Variants in SULF1 observed in about 807,000 individuals in gnomAD.
The protein encoded by SULF1 is sulfatase 1.
In SULF1, 46 loss-of-function variants were observed where a neutral mutation model predicts 110.5. That is an observed-to-expected ratio of 0.42 (90% CI 0.33 to 0.53). The LOEUF (loss-of-function observed/expected upper bound fraction) is 0.53. SULF1 is among the 20% of genes least tolerant of loss of function. SULF1 has a pLI of 0.12. For synonymous variants in SULF1, 371 were observed against 387.1 expected (o/e 0.96, Z 0.49); for missense variants, 941 against 1,094.2 (o/e 0.86, Z 1.98).
intron 6 of SULF1, among the ~76,000 whole-genome samples, chr8:69,585,735 A>G (rs1806408422): frequency 6.6e-6 from 1 of 152,184 alleles, no homozygotes. Flanking sequence ...TTTATTATCG[A>G]TAATAGATGT....
intron 19 of SULF1, among the ~76,000 whole-genome samples, chr8:69,635,598 G>A (rs1810930609): frequency 1.3e-5 from 2 of 152,352 alleles, no homozygotes; most frequent in South Asian, 2.1e-4. Context: ...TTGCCCGGGT[G>A]TGGTGGCTCA....
At chr8:69,651,354 C>T (rs111598312) in intron 22 of SULF1, among the ~76,000 whole-genome samples, 7,742 of 152,066 alleles carry the variant, frequency 0.051, 687 homozygotes, top group African/African-American at 0.18. Context: ...CGCCCAGCCT[C>T]GACATCTATT....
chr8:69,574,101 C>G (rs1221325897), intron 5 of SULF1, among the ~76,000 whole-genome samples: 4 of 152,228 alleles, frequency 2.6e-5, no homozygotes, highest in Non-Finnish European at 5.9e-5. Flanking sequence ...TGCAACGCCT[C>G]TCGAGGGGAT....
At chr8:69,627,388 C>A in intron 16 of SULF1, 82 bp downstream of exon 16, 2 of 940,710 alleles carry the variant, frequency 2.1e-6, no homozygotes, top group South Asian at 2.8e-5. Context: ...GTGGGACATA[C>A]CACAGATACA....
chr8:69,507,138 G>T (rs1168155483), intron 3 of SULF1, among the ~76,000 whole-genome samples: 1 of 152,186 alleles, frequency 6.6e-6, no homozygotes, highest in Non-Finnish European at 1.5e-5. Context: ...AAAGTGTCTG[G>T]ATTCTTACAA....
At chr8:69,522,087 G>C (rs1362295926) in intron 3 of SULF1, among the ~76,000 whole-genome samples, 3 of 151,208 alleles carry the variant, frequency 2.0e-5, no homozygotes, top group Non-Finnish European at 4.4e-5. Flanking sequence ...ATCTTGCTCT[G>C]TTGCCCAGGC....
In SULF1 at chr8:69,492,970, G is replaced by A. The variant is rs1178765083; in HGVS notation, c.-546G>A. The A allele has an allele frequency of 6.6e-6, 1 of 152,592 alleles. No individual in the cohort carries two copies. Among genetic ancestry groups the A allele is most frequent in the Non-Finnish European group, 1.5e-5 (1 of 68,062 alleles). The allele number at this position is 152,592 out of a possible 1,614,324, so 9.5% of individuals were successfully genotyped here. ...CGAGGATCAGAGGCCAGGCCTTCCC[G>A]GCTGCCGGCGCTCCTCGGAGGTCAG... is the stretch of plus-strand genomic sequence containing the variant. On this transcript the variant is annotated 5_prime_UTR_variant, in exon 1 of 23. Transcript: ENST00000402687.
chr8:69,552,827 G>T (rs1054135287), intron 3 of SULF1, among the ~76,000 whole-genome samples: 1 of 152,202 alleles, frequency 6.6e-6, no homozygotes, highest in Non-Finnish European at 1.5e-5. Flanking sequence ...AAAAAATGTA[G>T]AATTATTTTG....
At position 69,658,667 on chromosome 8, in the gene SULF1, T is replaced by A. The variant is rs1563641497; in HGVS notation, c.*132T>A. 1.3e-6 allele frequency: 1 copy of A among 779,166 alleles called. No homozygotes were observed. Among genetic ancestry groups the A allele is most frequent in the Non-Finnish European group, 2.3e-6 (1 of 439,214 alleles). 48.3% of individuals were successfully genotyped at this position (779,166 alleles called of 1,614,324 possible). A position where few individuals can be genotyped will look rare whatever the true frequency, so the allele number is the denominator to read the frequency against. On this transcript the variant is annotated 3_prime_UTR_variant, in exon 23 of 23. Coordinates refer to ENST00000402687, the MANE Select transcript of SULF1 (RefSeq NM_001128205.2). The stretch of plus-strand genomic sequence containing the variant: ...GACTGGACTAATTACTTGAAGGATT[T>A]AGATAGAGTATTTGCACTGCTGAAG...
At chr8:69,469,743 TTCTTTAAAAA>T (rs1433007176) in intron 1 of SULF1, among the ~76,000 whole-genome samples, 1 of 152,222 alleles carries the variant, frequency 6.6e-6, no homozygotes, top group Non-Finnish European at 1.5e-5. Flanking sequence ...AATGGGTTTA[TTCTTTAAAAA>T]TCCTAGGACC....
At chr8:69,591,962 C>T (rs974512515) in intron 8 of SULF1, among the ~76,000 whole-genome samples, 11 of 152,132 alleles carry the variant, frequency 7.2e-5, no homozygotes, top group African/African-American at 2.7e-4. Flanking sequence ...GCTCTAGGGG[C>T]AGGATGGGCA....
At chr8:69,651,268 G>C (rs1812327556) in intron 22 of SULF1, among the ~76,000 whole-genome samples, 1 of 151,950 alleles carries the variant, frequency 6.6e-6, no homozygotes, top group East Asian at 1.9e-4. Context: ...GGCCAGGCTG[G>C]TCTTGAACTC....
intron 3 of SULF1, among the ~76,000 whole-genome samples, chr8:69,512,870 C>T (rs1362079009): frequency 4.6e-5 from 7 of 152,208 alleles, no homozygotes; most frequent in Admixed American, 4.6e-4. Flanking sequence ...TTGTGCCACA[C>T]TTATGAAAAG....
chr8:69,481,656 C>T (rs144779022), intron 1 of SULF1, among the ~76,000 whole-genome samples: 2,468 of 152,196 alleles, frequency 0.016, 72 homozygotes, highest in African/African-American at 0.055. Context: ...TGTTGCTCCC[C>T]GCCATTGTGT....
At chr8:69,469,413 G>T (rs537815286) in intron 1 of SULF1, 2 of 152,320 alleles carry the variant, frequency 1.3e-5, no homozygotes, top group Non-Finnish European at 2.9e-5. Context: ...AGATCTTAGA[G>T]GTGAAAAGTG....
At chr8:69,531,120 A>C (rs1026208334) in intron 3 of SULF1, among the ~76,000 whole-genome samples, 3 of 152,172 alleles carry the variant, frequency 2.0e-5, no homozygotes, top group African/African-American at 7.2e-5. Flanking sequence ...GATCTGCCTG[A>C]GCCTGTATTC....
chr8:69,625,144 A>G (rs1381787877), intron 15 of SULF1, among the ~76,000 whole-genome samples: 1 of 152,212 alleles, frequency 6.6e-6, no homozygotes, highest in Non-Finnish European at 1.5e-5. Flanking sequence ...TTTTTAACAA[A>G]ATGAGTGGAA....
rs73683990 is a variant in SULF1 at position 69,581,611 on chromosome 8, C to T, written c.413-4746C>T. Among the ~76,000 whole-genome samples the T allele has an allele frequency of 1.4e-3, 207 of 152,030 alleles. 1 individual carries two copies. The highest frequency in any genetic ancestry group is 4.7e-3 in the African/African-American group (193 of 41,420). ...AGGAGTTGAATTGAATTGCCAATGC[C>T]GAAGGATAGAAAAATATTGAACTAT... is the stretch of plus-strand genomic sequence containing the variant. On this transcript the variant is annotated intron_variant, in intron 6 of 22. Coordinates refer to ENST00000402687, the MANE Select transcript of SULF1 (RefSeq NM_001128205.2).
At chr8:69,517,645 TG>T (rs1482826413) in intron 3 of SULF1, among the ~76,000 whole-genome samples, 1 of 152,128 alleles carries the variant, frequency 6.6e-6, no homozygotes, top group Non-Finnish European at 1.5e-5. Context: ...TATCAGGTCC[TG>T]GGGACTTCAA....
Sources: gnomAD v4.1 joint callset for allele counts (sites outside exome capture counted in the v4.1 genomes callset) on GRCh38, gnomAD v4.1.1 for gene constraint, MANE v1.5 for transcripts, NCBI Gene and HGNC (gene_info 2026-07-23, HGNC 2026-07-21) for gene names.